The following BAZ1A variants were observed in gnomAD, a reference collection of about 807,000 sequenced individuals.
BAZ1A encodes the protein bromodomain adjacent to zinc finger domain protein 1A.
Under a neutral mutation model 185.2 loss-of-function variants are expected in BAZ1A, and 50 were observed. The observed-to-expected ratio is 0.27, with a 90% CI of 0.22 to 0.34. BAZ1A has a LOEUF of 0.34. Among genes scored for constraint, BAZ1A ranks in the 10% least tolerant of loss-of-function variants. BAZ1A has a pLI of 1.00. For synonymous variants in BAZ1A, 571 were observed against 615.6 expected (o/e 0.93, Z 1.07); for missense variants, 1,356 against 1,839.9 (o/e 0.74, Z 4.81).
At chr14:34,850,922 A>T (rs548683758) in intron 3 of BAZ1A, among the ~76,000 whole-genome samples, 25 of 152,334 alleles carry the variant, frequency 1.6e-4, no homozygotes, top group Admixed American at 1.3e-4. Flanking sequence ...AGAAGAGGTT[A>T]AAGGTGGAAA....
intron 3 of BAZ1A, among the ~76,000 whole-genome samples, chr14:34,843,708 AAAG>A (rs1185886704): frequency 6.6e-6 from 1 of 152,216 alleles, no homozygotes; most frequent in East Asian, 1.9e-4. Context: ...ACAGATTAGG[AAAG>A]AAGATTCCCA....
At chr14:34,828,496 A>T (rs1261106304) in intron 3 of BAZ1A, 1 of 152,138 alleles carries the variant, frequency 6.6e-6, no homozygotes, top group African/African-American at 2.4e-5. Context: ...CTCAAAACAG[A>T]TTTCCAAAAC....
At chr14:34,869,908 T>G (rs576855360) in intron 2 of BAZ1A, among the ~76,000 whole-genome samples, 3 of 152,206 alleles carry the variant, frequency 2.0e-5, no homozygotes, top group Admixed American at 6.5e-5. Flanking sequence ...AGCCTCTTTC[T>G]GAGGTTGAAA....
intron 9 of BAZ1A, among the ~76,000 whole-genome samples, chr14:34,797,784 G>A (rs1220762944): frequency 6.6e-6 from 1 of 152,180 alleles, no homozygotes; most frequent in African/African-American, 2.4e-5. Context: ...TGAGGTACCT[G>A]GTTCATCTCA....
intron 6 of BAZ1A, among the ~76,000 whole-genome samples, chr14:34,807,238 T>C (rs1042298795): frequency 6.6e-6 from 1 of 151,672 alleles, no homozygotes; most frequent in African/African-American, 2.4e-5. Flanking sequence ...TGATCTTTTT[T>C]GTAAGTGGCA....
chr14:34,874,116 G>A lies in BAZ1A; in HGVS notation c.113+376C>T. On this transcript the variant is annotated intron_variant, in intron 2 of 26. Coordinates refer to ENST00000360310, the MANE Select transcript of BAZ1A (RefSeq NM_013448.3). This position sits in a 1 kb window ranked among gnomAD's most constrained non-coding sequence, Gnocchi z 4.7. ...CTAGCGGGGATCCCCTCGGCCGCCG[G>A]GAGGGGATCCCGGAACTGGCCCCGG... Among the ~76,000 whole-genome samples the A allele has an allele frequency of 6.6e-6, 1 of 152,100 alleles. No individual in the cohort carries two copies. The highest frequency in any genetic ancestry group is 1.9e-4 in the East Asian group (1 of 5,144).
intron 3 of BAZ1A, among the ~76,000 whole-genome samples, chr14:34,839,807 T>C (rs2042385202): frequency 1.5e-5 from 2 of 131,560 alleles, no homozygotes; most frequent in African/African-American, 6.0e-5. Flanking sequence ...GCCACTGCAC[T>C]CCAGCCTGGG....
At chr14:34,779,479 C>T (rs1879897276) in intron 17 of BAZ1A, among the ~76,000 whole-genome samples, 1 of 151,904 alleles carries the variant, frequency 6.6e-6, no homozygotes, top group South Asian at 2.1e-4. Context: ...AAATCAATTG[C>T]ATTGTAATCA....
At chr14:34,835,002 A>G (rs145108480) in intron 3 of BAZ1A, among the ~76,000 whole-genome samples, 3 of 150,482 alleles carry the variant, frequency 2.0e-5, no homozygotes, top group Non-Finnish European at 4.4e-5. Context: ...CTCTCCTTAT[A>G]TATCAATCAA....
At chr14:34,811,332 A>G (rs557802215) in intron 4 of BAZ1A, among the ~76,000 whole-genome samples, 1 of 152,236 alleles carries the variant, frequency 6.6e-6, no homozygotes, top group Non-Finnish European at 1.5e-5. Context: ...TGGTAGAGGT[A>G]GCGTTTCACC....
At chr14:34,837,845 C>T (rs2042353700) in intron 3 of BAZ1A, among the ~76,000 whole-genome samples, 1 of 152,154 alleles carries the variant, frequency 6.6e-6, no homozygotes, top group Non-Finnish European at 1.5e-5. Flanking sequence ...TGCCTCCTTA[C>T]AGCAAGGTTA....
chr14:34,783,275 A>G, intron 15 of BAZ1A, 43 bp from the exon 16 acceptor site: 2 of 1,182,774 alleles, frequency 1.7e-6, no homozygotes, highest in Non-Finnish European at 2.5e-6. Flanking sequence ...TGATGCACAT[A>G]TACATTTCAC....
chr14:34,858,458 A>G (rs545110560), intron 3 of BAZ1A, among the ~76,000 whole-genome samples: 24 of 152,210 alleles, frequency 1.6e-4, no homozygotes, highest in African/African-American at 5.5e-4. Flanking sequence ...AGCAAGTTAC[A>G]GAGAAGAAAA....
chr14:34,866,378 C>T (rs893929712), intron 2 of BAZ1A, among the ~76,000 whole-genome samples: 1 of 150,746 alleles, frequency 6.6e-6, no homozygotes, highest in South Asian at 2.1e-4. Context: ...GTCCTAGCTA[C>T]TCAGGAGGCT....
intron 1 of BAZ1A, 116 bp downstream of exon 1, chr14:34,875,022 G>A (rs1473761766): frequency 4.2e-5 from 7 of 167,248 alleles, no homozygotes; most frequent in Non-Finnish European, 9.0e-5. Context: ...TGGCCGGCCG[G>A]CCAGCCCAAC....
At position 34,867,905 on chromosome 14, in the gene BAZ1A, G is replaced by T. The variant is rs369714258; in HGVS notation, c.114-5583C>A. ...ATTTGTTAATACTGAATTCTAGGGG[G>T]TTGGTTACAATGCCTCTTCAATTTC... On this transcript the variant is annotated intron_variant, in intron 2 of 26. Transcript: ENST00000360310. Among the ~76,000 whole-genome samples the T allele has an allele frequency of 3.6e-4, 55 of 152,264 alleles. No homozygotes were observed. The East Asian group carries it at 7.7e-3, about 21-fold the overall frequency.
At chr14:34,858,475 C>T (rs1333296231) in intron 3 of BAZ1A, among the ~76,000 whole-genome samples, 1 of 151,992 alleles carries the variant, frequency 6.6e-6, no homozygotes. Context: ...AAAAAACATC[C>T]AGCTAATTTT....
intron 3 of BAZ1A, among the ~76,000 whole-genome samples, chr14:34,850,648 T>C (rs951987646): frequency 1.3e-5 from 2 of 152,240 alleles, no homozygotes; most frequent in Non-Finnish European, 2.9e-5. Flanking sequence ...TAGAAGATTA[T>C]GTACTACAAT....
chr14:34,846,540 T>C (rs1182881721), intron 3 of BAZ1A, among the ~76,000 whole-genome samples: 2 of 152,214 alleles, frequency 1.3e-5, no homozygotes, highest in East Asian at 3.8e-4. Flanking sequence ...GCAGAAACAT[T>C]TACAACATAG....
Sources: gnomAD v4.1 joint callset for allele counts (sites outside exome capture counted in the v4.1 genomes callset) on GRCh38, gnomAD v4.1.1 for gene constraint, Gnocchi (gnomAD v3.1) non-coding constraint, MANE v1.5 for transcripts, NCBI Gene and HGNC (gene_info 2026-07-23, HGNC 2026-07-21) for gene names.